The following ARHGAP15 variants were observed in gnomAD, a reference collection of about 807,000 sequenced individuals.
The protein encoded by ARHGAP15 is Rho GTPase activating protein 15, also known as rho GTPase-activating protein 15.
Under a neutral mutation model 63.7 loss-of-function variants are expected in ARHGAP15, and 51 were observed. That is an observed-to-expected ratio of 0.80 (90% confidence interval 0.64 to 1.01). The LOEUF (loss-of-function observed/expected upper bound fraction) is 1.01. ARHGAP15 is among the 50% of genes least tolerant of loss of function. ARHGAP15 has a pLI of 0.00. For synonymous variants in ARHGAP15, 191 were observed against 193.8 expected, an observed-to-expected ratio of 0.99 and a Z score of 0.12; for missense variants, 560 against 564.6, an observed-to-expected ratio of 0.99 and a Z score of 0.08.
At chr2:143,198,686 A>G (rs1206866548) in intron 2 of ARHGAP15, among the ~76,000 whole-genome samples, 1 of 152,154 alleles carries the variant, frequency 6.6e-6, no homozygotes, top group Non-Finnish European at 1.5e-5. Flanking sequence ...AGGAATATTA[A>G]GAGGCAAGTG....
intron 6 of ARHGAP15, among the ~76,000 whole-genome samples, chr2:143,300,061 C>T (rs960158796): frequency 4.6e-5 from 7 of 151,922 alleles, no homozygotes; most frequent in African/African-American, 9.7e-5. Flanking sequence ...AATGAAATAT[C>T]TGGGATTATA....
intron 12 of ARHGAP15, among the ~76,000 whole-genome samples, chr2:143,685,915 C>A (rs568951477): frequency 2.1e-4 from 32 of 151,886 alleles, no homozygotes; most frequent in Admixed American, 1.4e-3. Context: ...GTCTTCAAAT[C>A]GAAATCTCTC....
At chr2:143,571,925 T>A (rs182102594) in intron 11 of ARHGAP15, 1 of 152,296 alleles carries the variant, frequency 6.6e-6, no homozygotes, top group East Asian at 1.9e-4. Flanking sequence ...TCATCAGTGG[T>A]TTTGCTGATG....
rs567384289 is a variant in ARHGAP15 at position 143,397,150 on chromosome 2, G to A, written c.475-38451G>A. On this transcript the variant is annotated intron_variant, in intron 6 of 13. Coordinates refer to ENST00000295095, the MANE Select transcript of ARHGAP15 (RefSeq NM_018460.4). ...AGATGGAAGTAGATCCAGATTCATG[G>A]CAAGAGAATACAACTGGGGTCAGAA... 3.9e-5 allele frequency among the ~76,000 whole-genome samples: 6 copies of A among 152,188 alleles called. No homozygotes were observed. In the East Asian group the frequency reaches 1.2e-3, roughly 29 times the overall value.
chr2:143,472,335 AG>A (rs2105191983), intron 8 of ARHGAP15, among the ~76,000 whole-genome samples: 1 of 152,274 alleles, frequency 6.6e-6, no homozygotes, highest in South Asian at 2.1e-4. Context: ...TGCATTCACC[AG>A]GGAGATTTAT....
At chr2:143,584,040 A>G (rs1378489955) in intron 11 of ARHGAP15, among the ~76,000 whole-genome samples, 1 of 152,184 alleles carries the variant, frequency 6.6e-6, no homozygotes, top group Non-Finnish European at 1.5e-5. Context: ...TATATACCGA[A>G]TGAGAAAATG....
At chr2:143,438,774 G>A (rs1689728764) in intron 8 of ARHGAP15, among the ~76,000 whole-genome samples, 1 of 151,990 alleles carries the variant, frequency 6.6e-6, no homozygotes, top group African/African-American at 2.4e-5. Flanking sequence ...TTTCAGAATT[G>A]GGATTCAGTT....
At chr2:143,450,200 G>A (rs954016164) in intron 8 of ARHGAP15, among the ~76,000 whole-genome samples, 5 of 146,376 alleles carry the variant, frequency 3.4e-5, no homozygotes, top group Non-Finnish European at 6.0e-5. Flanking sequence ...TGATTTCCAC[G>A]GAAGGGTTTG....
chr2:143,291,555 T>C (rs1016912454), intron 6 of ARHGAP15, among the ~76,000 whole-genome samples: 3 of 152,098 alleles, frequency 2.0e-5, no homozygotes, highest in African/African-American at 4.8e-5. Context: ...CTTCAGTGTA[T>C]TACCAGGTGG....
chr2:143,564,974 A>T (rs1000413203), intron 11 of ARHGAP15, among the ~76,000 whole-genome samples: 4 of 152,232 alleles, frequency 2.6e-5, no homozygotes, highest in African/African-American at 9.6e-5. Flanking sequence ...TTGAGAATCT[A>T]CTACATGACA....
intron 9 of ARHGAP15, among the ~76,000 whole-genome samples, chr2:143,498,183 T>A (rs1692903478): frequency 6.6e-6 from 1 of 152,200 alleles, no homozygotes. Flanking sequence ...TGCATTATTT[T>A]ATTTCAGGGG....
intron 6 of ARHGAP15, among the ~76,000 whole-genome samples, chr2:143,256,155 T>A (rs948922135): frequency 6.6e-6 from 1 of 152,132 alleles, no homozygotes; most frequent in African/African-American, 2.4e-5. Flanking sequence ...CCTGTATGTT[T>A]GTTTGAGAGC....
intron 8 of ARHGAP15, among the ~76,000 whole-genome samples, chr2:143,454,049 A>G (rs1690534416): frequency 6.6e-6 from 1 of 152,034 alleles, no homozygotes; most frequent in South Asian, 2.1e-4. Context: ...TTTGATGGGG[A>G]ATAAACAAAC....
At chr2:143,351,836 T>A (rs754468616) in intron 6 of ARHGAP15, among the ~76,000 whole-genome samples, 1 of 152,192 alleles carries the variant, frequency 6.6e-6, no homozygotes, top group African/African-American at 2.4e-5. Context: ...AGGAATATGA[T>A]ATTTCTCTCT....
At chr2:143,547,414 G>C (rs1042525633) in intron 10 of ARHGAP15, among the ~76,000 whole-genome samples, 1 of 151,694 alleles carries the variant, frequency 6.6e-6, no homozygotes. Flanking sequence ...CATTTTAAAG[G>C]TGGGAATTAA....
At chr2:143,167,924 T>G (rs955872242) in intron 2 of ARHGAP15, among the ~76,000 whole-genome samples, 2 of 152,112 alleles carry the variant, frequency 1.3e-5, no homozygotes, top group African/African-American at 4.8e-5. Flanking sequence ...ACATTTGACT[T>G]GGTATTCTTA....
At chr2:143,386,129 G>A (rs1280829548) in intron 6 of ARHGAP15, among the ~76,000 whole-genome samples, 2 of 152,054 alleles carry the variant, frequency 1.3e-5, no homozygotes, top group African/African-American at 2.4e-5. Context: ...GGGAGGAAAC[G>A]CAGATGAATT....
chr2:143,547,935 A>T (rs1397414940), intron 10 of ARHGAP15, among the ~76,000 whole-genome samples: 1 of 151,916 alleles, frequency 6.6e-6, no homozygotes, highest in Non-Finnish European at 1.5e-5. Flanking sequence ...ACAATCCCCA[A>T]ACTCTATTGT....
At chr2:143,748,360 G>T (rs57104722) in intron 13 of ARHGAP15, among the ~76,000 whole-genome samples, 1,922 of 152,186 alleles carry the variant, frequency 0.013, 29 homozygotes, top group African/African-American at 0.044. Flanking sequence ...TGTTTTTGAT[G>T]TCAAATAACA....
Sources: allele counts gnomAD v4.1 joint callset (sites outside exome capture counted in the v4.1 genomes callset), GRCh38; gene constraint gnomAD v4.1.1; transcripts MANE v1.5; gene names NCBI Gene and HGNC (gene_info 2026-07-23, HGNC 2026-07-21).